PCDHA3: variants seen among roughly 807,000 people sequenced by gnomAD.
PCDHA3 encodes the protein protocadherin alpha 3.
A neutral mutation model predicts 62.2 loss-of-function variants in PCDHA3; 41 were observed. That is an observed-to-expected ratio of 0.66 (90% CI 0.51 to 0.86). PCDHA3 has a LOEUF of 0.86. PCDHA3 is among the 40% of genes least tolerant of loss of function. The pLI, the probability that PCDHA3 is intolerant of heterozygous loss-of-function variation, is 0.00. For missense variants in PCDHA3, 1,304 were observed against 1,241.2 expected (o/e 1.05, Z -0.76); for synonymous variants, 640 against 555.4 (o/e 1.15, Z -2.14).
chr5:140,995,367 T>G (rs2153932865), intron 3 of PCDHA3, among the ~76,000 whole-genome samples: 1 of 152,280 alleles, frequency 6.6e-6, no homozygotes, highest in East Asian at 1.9e-4. Context: ...AGAGGGATGA[T>G]TCACGTACTG....
chr5:140,950,523 T>C (rs1289314937), intron 1 of PCDHA3, among the ~76,000 whole-genome samples: 2 of 152,094 alleles, frequency 1.3e-5, no homozygotes, highest in African/African-American at 4.8e-5. Flanking sequence ...TGCGATATGA[T>C]TGTTTTTGTT....
In PCDHA3 at chr5:140,966,814, C is replaced by G. The variant is rs782787958; in HGVS notation, c.2395-12135C>G. 4.5e-6 allele frequency: 7 copies of G among 1,552,328 alleles called. No individual in the cohort carries two copies. The East Asian group carries it at 1.2e-4, about 27-fold the overall frequency. On this transcript the variant is annotated intron_variant, in intron 1 of 3. Coordinates refer to ENST00000522353, the MANE Select transcript of PCDHA3 (RefSeq NM_018906.3). The stretch of plus-strand genomic sequence containing the variant: ...CTGCGGCGACAGAGCATCCACGGCT[C>G]CGGCGGCCCATGCCCTGGCTGCTGC...
At chr5:140,919,858 T>C (rs1392372108) in intron 1 of PCDHA3, among the ~76,000 whole-genome samples, 1 of 152,246 alleles carries the variant, frequency 6.6e-6, no homozygotes, top group Non-Finnish European at 1.5e-5. Flanking sequence ...TGACCTCATT[T>C]GGAAATAAGT....
rs111233751 is a variant in PCDHA3, at chr5:140,887,119, C to T, written c.2394+83528C>T. On this transcript the variant is annotated intron_variant, in intron 1 of 3. Transcript: ENST00000522353. ...TTTATCTCTTTTTTTTTTTTTGAGA[C>T]GGAGTCTCACTCTGTCGCCCAGGCT... 6.0e-3 allele frequency among the ~76,000 whole-genome samples: 904 copies of T among 149,504 alleles called. 4 individuals are homozygous for T. The highest frequency in any genetic ancestry group is 0.014 in the Middle Eastern group (4 of 294).
intron 1 of PCDHA3, chr5:140,876,602 G>A (rs572945874): frequency 6.2e-7 from 1 of 1,614,180 alleles, no homozygotes; most frequent in Non-Finnish European, 8.5e-7. Flanking sequence ...GTGTCGGATC[G>A]TGACTCTGGA....
intron 1 of PCDHA3, chr5:140,854,061 C>T: frequency 3.6e-6 from 1 of 279,894 alleles, no homozygotes; most frequent in Non-Finnish European, 5.4e-6. Flanking sequence ...ACTCAGGAGG[C>T]TGAGGCGAGA....
chr5:140,931,304 G>A (rs1218460625), intron 1 of PCDHA3, among the ~76,000 whole-genome samples: 13 of 152,056 alleles, frequency 8.5e-5, no homozygotes, highest in Non-Finnish European at 1.9e-4. Context: ...CAAAAAGAGA[G>A]GAGAATACCA....
chr5:140,885,371 C>T (rs2153409645), intron 1 of PCDHA3, among the ~76,000 whole-genome samples: 1 of 152,182 alleles, frequency 6.6e-6, no homozygotes, highest in East Asian at 1.9e-4. Flanking sequence ...CTGAAAGTAC[C>T]TTTTGGCAGT....
intron 1 of PCDHA3, chr5:140,808,623 C>T (rs1181544885): frequency 6.2e-7 from 1 of 1,613,574 alleles, no homozygotes; most frequent in Non-Finnish European, 8.5e-7. Context: ...ACTGTGTCTG[C>T]GTGGGACGCG....
intron 1 of PCDHA3, among the ~76,000 whole-genome samples, chr5:140,833,607 C>A (rs1037062393): frequency 6.6e-6 from 1 of 152,056 alleles, no homozygotes; most frequent in East Asian, 1.9e-4. Flanking sequence ...TCTGCTAAAG[C>A]AAAAAATTCA....
At chr5:140,882,802 C>T (rs782615396) in intron 1 of PCDHA3, 21 of 1,614,206 alleles carry the variant, frequency 1.3e-5, no homozygotes, top group Non-Finnish European at 1.5e-5. Context: ...ACGATTATTT[C>T]ACTTTGGACG....
Position 140,857,175 on chromosome 5 carries a change from A to C in PCDHA3, c.2394+53584A>C, listed in dbSNP as rs149086377. On this transcript the variant is annotated intron_variant, in intron 1 of 3. Transcript: ENST00000522353. ...ATTGCCCTAATCAGCGTTTCTGACC[A>C]TGATTCAGGAGCCAACGGACAGGTC... The C allele has an allele frequency of 2.5e-6, 4 of 1,598,338 alleles. No homozygotes were observed. The South Asian group carries it at 3.3e-5, about 13-fold the overall frequency.
chr5:140,818,637 G>A (rs1766406690), intron 1 of PCDHA3, among the ~76,000 whole-genome samples: 1 of 152,188 alleles, frequency 6.6e-6, no homozygotes, highest in Non-Finnish European at 1.5e-5. Flanking sequence ...AGGAGTTCAA[G>A]ATGAGCCTGA....
At chr5:141,005,548 A>G (rs970223535) in intron 3 of PCDHA3, among the ~76,000 whole-genome samples, 2 of 151,322 alleles carry the variant, frequency 1.3e-5, no homozygotes, top group African/African-American at 4.9e-5. Flanking sequence ...CTAAAAATAC[A>G]AAAATTAGCC....
intron 1 of PCDHA3, chr5:140,830,241 T>C: frequency 6.2e-7 from 1 of 1,613,934 alleles, no homozygotes; most frequent in Non-Finnish European, 8.5e-7. Flanking sequence ...ACGCTACTGC[T>C]GTACACAGCG....
chr5:140,949,656 GT>G (rs782242887), intron 1 of PCDHA3, among the ~76,000 whole-genome samples: 5 of 151,274 alleles, frequency 3.3e-5, no homozygotes, highest in Non-Finnish European at 7.4e-5. Context: ...TTTTACTTTT[GT>G]TTCTTTAAAG....
chr5:140,953,522 G>A (rs246031), intron 1 of PCDHA3, among the ~76,000 whole-genome samples: 85,599 of 151,862 alleles, frequency 0.56, 24,738 homozygotes, highest in African/African-American at 0.69. Flanking sequence ...CAACAAAAAC[G>A]GGAAACTCAC....
intron 1 of PCDHA3, among the ~76,000 whole-genome samples, chr5:140,934,050 C>T (rs558726288): frequency 6.6e-6 from 1 of 151,952 alleles, no homozygotes; most frequent in East Asian, 1.9e-4. Flanking sequence ...TTAGTCTTTC[C>T]AAGGCTAACT....
At chr5:140,872,336 A>G (rs1554166138) in intron 1 of PCDHA3, among the ~76,000 whole-genome samples, 1 of 152,144 alleles carries the variant, frequency 6.6e-6, no homozygotes, top group African/African-American at 2.4e-5. Context: ...CTAAAATTCT[A>G]CATGTTCTTG....
Sources: allele counts gnomAD v4.1 joint callset (sites outside exome capture counted in the v4.1 genomes callset), GRCh38; gene constraint gnomAD v4.1.1; transcripts MANE v1.5; gene names NCBI Gene and HGNC (gene_info 2026-07-23, HGNC 2026-07-21).